The following GC variants were observed in gnomAD, a reference collection of about 807,000 sequenced individuals.
GC encodes GC vitamin D binding protein.
A neutral mutation model predicts 56.7 loss-of-function variants in GC; 43 were observed. That is an observed-to-expected ratio of 0.76 (90% CI 0.59 to 0.98). GC has a LOEUF of 0.98. Ranked by LOEUF, GC falls within the 50% of genes least tolerant of loss-of-function variation. GC has a pLI of 0.00. For synonymous variants in GC, 216 were observed against 202.7 expected (o/e 1.07, Z -0.56); for missense variants, 529 against 545.9 (o/e 0.97, Z 0.31).
At chr4:71,802,690 A>C (rs1488909531) in intron 1 of GC, among the ~76,000 whole-genome samples, 1 of 152,208 alleles carries the variant, frequency 6.6e-6, no homozygotes, top group Non-Finnish European at 1.5e-5. Flanking sequence ...CTGAGAGTTT[A>C]ATTTGTGCCA....
upstream of GC, among the ~76,000 whole-genome samples, chr4:71,785,353 A>C (rs1197389787): frequency 1.3e-5 from 2 of 151,764 alleles, no homozygotes; most frequent in Non-Finnish European, 1.5e-5. Flanking sequence ...ACTCAGTGGA[A>C]GAGTTTAAAG....
At chr4:71,765,700 A>G in intron 3 of GC, 57 bp from the exon 4 acceptor site, 1 of 1,051,236 alleles carries the variant, frequency 9.5e-7, no homozygotes, top group South Asian at 1.3e-5. Context: ...AGGCTTTTAG[A>G]CTTCCATTTA....
At chr4:71,762,167 A>G (rs1048006721) in intron 6 of GC, among the ~76,000 whole-genome samples, 1 of 152,206 alleles carries the variant, frequency 6.6e-6, no homozygotes, top group Non-Finnish European at 1.5e-5. Flanking sequence ...GAGCTGCCCA[A>G]GACCATGGGA....
At position 71,758,023 on chromosome 4, in the gene GC, A is replaced by C. The variant is rs199508206; in HGVS notation, c.831+19T>G. On this transcript the variant is annotated intron_variant, in intron 7 of 12. Transcript: ENST00000273951. ...CAATACCTGGCACATGGTGATAATGATAATAAAGCTTGTCTTACCTCTTTG... is the reference window on the plus strand; with the variant it reads ...CAATACCTGGCACATGGTGATAATGCTAATAAAGCTTGTCTTACCTCTTTG... 5.6e-6 allele frequency: 9 copies of C among 1,608,498 alleles called. No homozygotes were observed. The Admixed American group carries it at 8.4e-5, about 15-fold the overall frequency.
chr4:71,803,956 G>A, exon 1 of GC: 1 of 1,490,004 alleles, frequency 6.7e-7, no homozygotes. Flanking sequence ...TTTCCTACCA[G>A]TTGGACTAGT....
At chr4:71,805,294 A>G (rs937701205), upstream of GC, among the ~76,000 whole-genome samples, 1 of 152,160 alleles carries the variant, frequency 6.6e-6, no homozygotes, top group Non-Finnish European at 1.5e-5. Context: ...TCAAACTTGG[A>G]AATCCCAAGC....
Position 71,765,450 on chromosome 4 carries a change from G to T in GC, c.455C>A (p.Pro152Gln), listed in dbSNP as rs1742123822. ...DEICEAFRKD[P>Q]KEYANQFMWE... ...CACTCACTGATTAGCATATTCCTTT[G>T]GATCTTTCCTGAACGCCTCACAGAT... Residue 152 changes from proline (P) to glutamine (Q), a missense_variant, in exon 4 of 13, where the codon CCA (proline) becomes CAA (glutamine). Physicochemically the swap from Pro to Gln is moderately conservative, Grantham distance 76. Coordinates refer to ENST00000273951, the MANE Select transcript of GC (RefSeq NM_000583.4). The T allele has an allele frequency of 1.2e-6, 2 of 1,613,248 alleles. No individual in the cohort carries two copies. Among genetic ancestry groups the T allele is most frequent in the Non-Finnish European group, 1.7e-6 (2 of 1,179,446 alleles).
intron 1 of GC, among the ~76,000 whole-genome samples, chr4:71,789,980 C>T (rs1742930322): frequency 6.6e-6 from 1 of 151,942 alleles, no homozygotes; most frequent in South Asian, 2.1e-4. Context: ...CTCCAATTCC[C>T]ATTGAGAATT....
intron 2 of GC, among the ~76,000 whole-genome samples, chr4:71,769,097 T>C (rs1431704490): frequency 6.6e-6 from 1 of 152,198 alleles, no homozygotes; most frequent in Middle Eastern, 3.2e-3. Flanking sequence ...ATCTTTGAAC[T>C]CATTCATAAA....
intron 12 of GC, among the ~76,000 whole-genome samples, chr4:71,743,078 G>A (rs1299536862): frequency 3.9e-5 from 6 of 152,166 alleles, no homozygotes; most frequent in Non-Finnish European, 8.8e-5. Flanking sequence ...GAAAAAGATT[G>A]ATCAAGGAGA....
chr4:71,762,233 A>C (rs1742002806), intron 6 of GC, among the ~76,000 whole-genome samples: 2 of 152,232 alleles, frequency 1.3e-5, no homozygotes, highest in African/African-American at 4.8e-5. Flanking sequence ...AAAGGCGATC[A>C]TTTTGGACCT....
chr4:71,780,311 G>T (rs914972522), intron 1 of GC, among the ~76,000 whole-genome samples: 7 of 151,990 alleles, frequency 4.6e-5, no homozygotes, highest in Non-Finnish European at 8.8e-5. Flanking sequence ...TACCATTCAG[G>T]ACATAGGTGT....
rs77847128 is a variant in GC, at chr4:71,792,805, A to G, written c.22-8751T>C. ...TTTTATGGTTTTAGGTCTAATATGTAAGCCTTTAATCCATCTTGAATTAAT... is the reference window on the plus strand; with the variant it reads ...TTTTATGGTTTTAGGTCTAATATGTGAGCCTTTAATCCATCTTGAATTAAT... On this transcript the variant is annotated intron_variant, in intron 1 of 13. Transcript: ENST00000504199. Among the ~76,000 whole-genome samples, 253 of 152,302 alleles carry G rather than the reference A, an allele frequency of 1.7e-3. 6 individuals carry two copies. The East Asian group carries it at 0.043, about 26-fold the overall frequency.
intron 6 of GC, among the ~76,000 whole-genome samples, chr4:71,761,654 C>T (rs968300815): frequency 5.9e-5 from 9 of 152,150 alleles, no homozygotes; most frequent in Admixed American, 5.2e-4. Context: ...GGACCAGGCT[C>T]AGGGTTCCCG....
chr4:71,751,712 G>T (rs1245837171), intron 11 of GC, among the ~76,000 whole-genome samples: 1 of 152,072 alleles, frequency 6.6e-6, no homozygotes, highest in African/African-American at 2.4e-5. Context: ...TTTAAAGAAA[G>T]ATGAATCCAA....
intron 1 of GC, among the ~76,000 whole-genome samples, chr4:71,792,772 T>C (rs1743003609): frequency 6.6e-6 from 1 of 152,244 alleles, no homozygotes; most frequent in Non-Finnish European, 1.5e-5. Context: ...TAGGTTTTCT[T>C]CAAGAGTTTT....
chr4:71,775,027 C>T (rs918137277), intron 1 of GC, among the ~76,000 whole-genome samples: 43 of 96,260 alleles, frequency 4.5e-4, no homozygotes, highest in African/African-American at 1.5e-3. Context: ...TTTTCTTCCC[C>T]GGCCCTTTTT....
intron 1 of GC, among the ~76,000 whole-genome samples, chr4:71,773,811 T>G (rs540257462): frequency 3.5e-4 from 54 of 152,172 alleles, no homozygotes; most frequent in African/African-American, 1.3e-3. Context: ...CTGTTGGGCA[T>G]TTTATATTTT....
intron 1 of GC, 69 bp from the exon 2 acceptor site, chr4:71,769,469 A>G (rs1178223527): frequency 9.8e-7 from 1 of 1,016,334 alleles, no homozygotes; most frequent in East Asian, 2.4e-5. Context: ...ATGTACATGT[A>G]TAAAGTGATC....
Sources: gnomAD v4.1 joint callset for allele counts (sites outside exome capture counted in the v4.1 genomes callset) on GRCh38, gnomAD v4.1.1 for gene constraint, MANE v1.5 for transcripts, NCBI Gene and HGNC (gene_info 2026-07-23, HGNC 2026-07-21) for gene names.